The following SEL1L2 variants were observed in gnomAD, a reference collection of about 807,000 sequenced individuals.
SEL1L2 encodes the protein SEL1L2 adaptor subunit of SYVN1 ubiquitin ligase.
A neutral mutation model predicts 98.8 loss-of-function variants in SEL1L2; 89 were observed. The observed-to-expected ratio is 0.90, with a 90% CI of 0.76 to 1.07. The LOEUF (loss-of-function observed/expected upper bound fraction) is 1.07, where lower values mean the gene tolerates loss of function less well. Ranked by LOEUF, SEL1L2 falls within the 50% of genes least tolerant of loss-of-function variation. The probability of loss-of-function intolerance (pLI) is 0.00; values close to 1 mark genes in which losing one functional copy is unlikely to be tolerated. For synonymous variants in SEL1L2, 262 were observed against 278.5 expected, an observed-to-expected ratio of 0.94 and a Z score of 0.59; for missense variants, 788 against 812.0, an observed-to-expected ratio of 0.97 and a Z score of 0.36.
intron 5 of SEL1L2, among the ~76,000 whole-genome samples, chr20:13,911,229 T>C (rs561941214): frequency 2.2e-4 from 34 of 152,244 alleles, no homozygotes; most frequent in Non-Finnish European, 4.7e-4. Context: ...CTAGGAGGAC[T>C]CTGTCCTAGT....
chr20:13,865,831 C>CTGTGTGTGTG (rs11467978), intron 15 of SEL1L2, among the ~76,000 whole-genome samples: 5,417 of 150,008 alleles, frequency 0.036, 116 homozygotes, highest in African/African-American at 0.062. Flanking sequence ...GTGTGTGTGT[C>CTGTGTGTGTG]TGTGTGTGTG....
At chr20:13,985,141 C>A (rs984765269) in intron 1 of SEL1L2, among the ~76,000 whole-genome samples, 1 of 151,996 alleles carries the variant, frequency 6.6e-6, no homozygotes, top group African/African-American at 2.4e-5. Flanking sequence ...ATTCTACTCT[C>A]AAAGTCATTT....
At chr20:13,926,373 C>T (rs1432978707) in intron 3 of SEL1L2, among the ~76,000 whole-genome samples, 1 of 152,038 alleles carries the variant, frequency 6.6e-6, no homozygotes, top group African/African-American at 2.4e-5. Flanking sequence ...AGAACCACAT[C>T]TAAAGAAGAA....
At chr20:13,889,716 G>A (rs551259463) in intron 5 of SEL1L2, among the ~76,000 whole-genome samples, 196 of 152,214 alleles carry the variant, frequency 1.3e-3, no homozygotes, top group African/African-American at 4.2e-3. Context: ...GTGTGAACCC[G>A]GGAGGCGGAG....
chr20:13,985,580 T>C (rs961587467), intron 1 of SEL1L2, among the ~76,000 whole-genome samples: 4 of 152,198 alleles, frequency 2.6e-5, no homozygotes, highest in African/African-American at 9.7e-5. Flanking sequence ...CATTCAATAT[T>C]TTGGTTTTCC....
intron 3 of SEL1L2, among the ~76,000 whole-genome samples, chr20:13,929,251 C>T (rs1465936215): frequency 6.7e-6 from 1 of 148,266 alleles, no homozygotes; most frequent in African/African-American, 2.5e-5. Context: ...ATAGACATCT[C>T]CTACTATTTT....
At chr20:13,921,429 C>A (rs2148246843) in intron 3 of SEL1L2, among the ~76,000 whole-genome samples, 1 of 152,234 alleles carries the variant, frequency 6.6e-6, no homozygotes, top group Non-Finnish European at 1.5e-5. Context: ...ACCTTGGCTT[C>A]CCAAAATGCT....
chr20:13,879,919 G>A (rs1051815198), intron 10 of SEL1L2, among the ~76,000 whole-genome samples: 2 of 152,054 alleles, frequency 1.3e-5, no homozygotes, highest in Non-Finnish European at 2.9e-5. Flanking sequence ...TTATCTCCTG[G>A]GCTTGGTTTC....
intron 2 of SEL1L2, among the ~76,000 whole-genome samples, chr20:13,942,534 T>A (rs1366273564): frequency 6.6e-6 from 1 of 152,158 alleles, no homozygotes; most frequent in Non-Finnish European, 1.5e-5. Context: ...TCCAGGTGAT[T>A]ATGATGCATC....
At chr20:13,914,675 G>A (rs1206694124) in intron 4 of SEL1L2, among the ~76,000 whole-genome samples, 2 of 152,224 alleles carry the variant, frequency 1.3e-5, no homozygotes, top group Non-Finnish European at 2.9e-5. Flanking sequence ...GATTAAATGA[G>A]ATAATCCATG....
At chr20:13,903,078 A>G (rs374330343) in intron 5 of SEL1L2, among the ~76,000 whole-genome samples, 39 of 146,352 alleles carry the variant, frequency 2.7e-4, no homozygotes, top group African/African-American at 8.8e-4. Flanking sequence ...AGATCGCGCC[A>G]CTGCACTCCA....
At chr20:13,872,066 C>T (rs2046230857) in intron 12 of SEL1L2, among the ~76,000 whole-genome samples, 1 of 152,148 alleles carries the variant, frequency 6.6e-6, no homozygotes, top group Non-Finnish European at 1.5e-5. Context: ...TGTAAGGGTT[C>T]TTAAGGACAG....
chr20:13,933,070 C>T (rs1265549026), intron 2 of SEL1L2, among the ~76,000 whole-genome samples: 1 of 151,966 alleles, frequency 6.6e-6, no homozygotes, highest in Non-Finnish European at 1.5e-5. Context: ...ATTCGCCAGG[C>T]CTGGTGGTGT....
chr20:13,889,045 A>G (rs1490569593), intron 5 of SEL1L2, among the ~76,000 whole-genome samples: 2 of 146,426 alleles, frequency 1.4e-5, no homozygotes, highest in Non-Finnish European at 3.0e-5. Context: ...TGCAACCTCT[A>G]CCTCCTGGGT....
chr20:13,916,699 G>T (rs2048418402), intron 4 of SEL1L2, among the ~76,000 whole-genome samples: 1 of 152,098 alleles, frequency 6.6e-6, no homozygotes, highest in Non-Finnish European at 1.5e-5. Flanking sequence ...TCAGCTACTT[G>T]GGAAGCTGAG....
At chr20:13,888,134 A>G in intron 6 of SEL1L2, 133 bp from the exon 7 acceptor site, 1 of 737,478 alleles carries the variant, frequency 1.4e-6, no homozygotes, top group Non-Finnish European at 2.2e-6. Flanking sequence ...ATAAATTTCA[A>G]ATTTCACTCT....
At chr20:13,951,269 T>G (rs1322058064) in intron 2 of SEL1L2, among the ~76,000 whole-genome samples, 2 of 58,740 alleles carry the variant, frequency 3.4e-5, no homozygotes, top group Non-Finnish European at 5.8e-5. Flanking sequence ...AGAGCGAGAC[T>G]CCGTCTCAAA....
rs1467227237 is a variant in SEL1L2, at chr20:13,901,057, CTT to C, written c.550-12547_550-12546del. On this transcript the variant is annotated intron_variant, in intron 5 of 19. Coordinates refer to ENST00000284951, the MANE Select transcript of SEL1L2 (RefSeq NM_025229.2). Reference sequence around the variant, plus strand: ...GTTAATTTTTTTTCCTTTTCTTTTTCTTTTTCTTTCTTTCTTTCTTTTTTTTT... The same window carrying C: ...GTTAATTTTTTTTCCTTTTCTTTTTCTTTCTTTCTTTCTTTCTTTTTTTTT... Among the ~76,000 whole-genome samples the C allele has an allele frequency of 9.5e-5, 14 of 147,440 alleles. No individual in the cohort carries two copies. The South Asian group carries it at 1.9e-3, about 20-fold the overall frequency.
chr20:13,932,407 AATTATTATTATTATT>A (rs140408055), intron 2 of SEL1L2, among the ~76,000 whole-genome samples: 29 of 144,924 alleles, frequency 2.0e-4, no homozygotes, highest in Admixed American at 1.0e-3. Flanking sequence ...TTCCTTTGTC[AATTATTATTATTATT>A]ATTATTATTA....
Sources: gnomAD v4.1 joint callset for allele counts (sites outside exome capture counted in the v4.1 genomes callset) on GRCh38, gnomAD v4.1.1 for gene constraint, MANE v1.5 for transcripts, NCBI Gene and HGNC (gene_info 2026-07-23, HGNC 2026-07-21) for gene names.